The following GP6 variants were observed in gnomAD, a reference collection of about 807,000 sequenced individuals.
GP6 encodes glycoprotein VI platelet, also known as platelet glycoprotein VI.
A neutral mutation model predicts 37.3 loss-of-function variants in GP6; 45 were observed. The ratio of observed to expected loss-of-function variants is 1.21; its 90% CI spans 0.95 to 1.55. The LOEUF (loss-of-function observed/expected upper bound fraction) is 1.55, where lower values mean the gene tolerates loss of function less well. Ranked by LOEUF, GP6 falls within the 40% of genes most tolerant of loss-of-function variation. The probability of loss-of-function intolerance (pLI) is 0.00; values close to 1 mark genes in which losing one functional copy is unlikely to be tolerated. For synonymous variants in GP6, 340 were observed against 316.4 expected (o/e 1.07, Z -0.79); for missense variants, 813 against 760.2 (o/e 1.07, Z -0.82).
Position 55,037,015 on chromosome 19 carries a change from A to G in GP6, c.34+1188T>C, listed in dbSNP as rs148980014. Among the ~76,000 whole-genome samples, 465 of 152,324 alleles carry G rather than the reference A, an allele frequency of 3.1e-3. 3 individuals are homozygous for G. The highest frequency in any genetic ancestry group is 0.011 in the African/African-American group (445 of 41,574). The stretch of plus-strand genomic sequence containing the variant: ...GACCGACTGAGCGAGACTCCATCTC[A>G]AAAAACAAACAAAAAGAAAAAAAGA... On this transcript the variant is annotated intron_variant, in intron 1 of 7. Coordinates refer to ENST00000310373, the MANE Select transcript of GP6 (RefSeq NM_001083899.2).
chr19:55,029,894 G>A (rs1322053261), intron 3 of GP6, among the ~76,000 whole-genome samples: 1 of 152,008 alleles, frequency 6.6e-6, no homozygotes, highest in African/African-American at 2.4e-5. Context: ...CTGTGGAGGG[G>A]AGTGAGGCAG....
chr19:55,033,034 C>T lies in GP6; in HGVS notation c.35-496G>A, dbSNP rs371903875. 8.2e-3 allele frequency among the ~76,000 whole-genome samples: 161 copies of T among 19,568 alleles called. 28 individuals are homozygous for T. The highest frequency in any genetic ancestry group is 0.023 in the African/African-American group (156 of 6,844). 12.8% of individuals were successfully genotyped at this position (19,568 alleles called of 152,430 possible). On this transcript the variant is annotated intron_variant, in intron 1 of 7. Transcript: ENST00000310373. Reference sequence around the variant, plus strand: ...GCGGTGGACTCGTTCGTGTTAGACACGGTGGACTCGTTCGTGTTGTGTTAG... The same window carrying T: ...GCGGTGGACTCGTTCGTGTTAGACATGGTGGACTCGTTCGTGTTGTGTTAG...
intron 3 of GP6, among the ~76,000 whole-genome samples, chr19:55,030,078 C>CAA (rs1160871111): frequency 1.3e-5 from 2 of 152,280 alleles, no homozygotes; most frequent in East Asian, 3.9e-4. Context: ...CGTTAAAACT[C>CAA]ACATTATTCT....
intron 5 of GP6, among the ~76,000 whole-genome samples, chr19:55,019,326 G>C (rs2146733116): frequency 6.6e-6 from 1 of 151,986 alleles, no homozygotes; most frequent in African/African-American, 2.4e-5. Flanking sequence ...GGCCAGGATG[G>C]TCTCGATCTC....
intron 4 of GP6, among the ~76,000 whole-genome samples, chr19:55,026,115 A>G (rs528776068): frequency 5.3e-5 from 8 of 151,912 alleles, no homozygotes; most frequent in African/African-American, 1.9e-4. Context: ...CCTCAGTTCT[A>G]TTTCTTCTGG....
intron 5 of GP6, among the ~76,000 whole-genome samples, chr19:55,024,278 A>ACACACATATGCACGCATG (rs1268623063): frequency 1.5e-5 from 1 of 66,558 alleles, no homozygotes; most frequent in African/African-American, 5.2e-5. Flanking sequence ...GCACGCATGC[A>ACACACATATGCACGCATG]CACACACACA....
In GP6 at chr19:55,032,258, T is replaced by A. The variant is rs780301940; in HGVS notation, c.206A>T (p.Asp69Val). 3.7e-6 allele frequency: 6 copies of A among 1,614,144 alleles called. No individual in the cohort carries two copies. The highest frequency in any genetic ancestry group is 5.1e-6 in the Non-Finnish European group (6 of 1,180,008). The change falls in exon 3 of 8, where the codon GAT (aspartate) becomes GTT (valine). Residue 69 changes from aspartate (D) to valine (V), a missense_variant. By Grantham distance (152) the Asp-to-Val change is radical. Coordinates refer to ENST00000310373, the MANE Select transcript of GP6 (RefSeq NM_001083899.2). ...GGCCGGGATGAAGAGGACTGCCTGA[T>A]CCTGGTACCTGCTGGAACTCAGCTT...
chr19:55,018,930 T>C, intron 5 of GP6: 1 of 604,156 alleles, frequency 1.7e-6, no homozygotes, highest in Non-Finnish European at 3.0e-6. Context: ...ACTTGGTTTT[T>C]TTTCCACGTT....
At chr19:55,021,669 C>T (rs1212539773) in intron 5 of GP6, among the ~76,000 whole-genome samples, 8 of 151,806 alleles carry the variant, frequency 5.3e-5, no homozygotes, top group South Asian at 4.2e-4. Context: ...TACAGGCGCC[C>T]GCCACCACGC....
intron 1 of GP6, among the ~76,000 whole-genome samples, chr19:55,034,647 A>C (rs1261034068): frequency 6.6e-6 from 1 of 152,026 alleles, no homozygotes; most frequent in Non-Finnish European, 1.5e-5. Context: ...GGAGGAAAAA[A>C]AAAGTACTAA....
intron 5 of GP6, 55 bp downstream of exon 5, chr19:55,025,163 A>G: frequency 1.1e-6 from 1 of 877,820 alleles, no homozygotes; most frequent in South Asian, 1.4e-5. Context: ...GGAGAGAGAG[A>G]AGGGGTCCGT....
intron 3 of GP6, 40 bp from the exon 4 acceptor site, chr19:55,027,902 A>G (rs780022949): frequency 6.2e-7 from 1 of 1,606,210 alleles, no homozygotes; most frequent in East Asian, 2.2e-5. Context: ...GGCAGGAGCC[A>G]GCATCTCAGC....
intron 1 of GP6, 155 bp from the exon 2 acceptor site, chr19:55,032,693 A>T (rs2074613076): frequency 1.3e-5 from 11 of 840,878 alleles, no homozygotes; most frequent in Non-Finnish European, 2.2e-5. Flanking sequence ...AGTGAGAGAA[A>T]CCGGTCAGAA....
chr19:55,028,927 G>T lies in GP6; in HGVS notation c.326-1065C>A, dbSNP rs568996584. Among the ~76,000 whole-genome samples, 227 of 152,266 alleles carry T rather than the reference G, an allele frequency of 1.5e-3. 1 individual carries two copies. The highest frequency in any genetic ancestry group is 5.2e-3 in the African/African-American group (215 of 41,556). The stretch of plus-strand genomic sequence containing the variant: ...AGGTGGGAGGATCGCTTGAGCCCAG[G>T]AAGGCGAGGCTGCAGTGAGCTATGA... On this transcript the variant is annotated intron_variant, in intron 3 of 7. Coordinates refer to ENST00000310373, the MANE Select transcript of GP6 (RefSeq NM_001083899.2).
intron 6 of GP6, among the ~76,000 whole-genome samples, chr19:55,016,361 C>T (rs985219312): frequency 6.7e-6 from 1 of 148,528 alleles, no homozygotes; most frequent in Non-Finnish European, 1.5e-5. Context: ...ATATGAGCAC[C>T]TCATACGTGC....
chr19:55,038,238 G>T lies in GP6; in HGVS notation c.-2C>A. 1 of 1,587,940 alleles carries T rather than the reference G, an allele frequency of 6.3e-7. No homozygotes were observed. Among genetic ancestry groups the T allele is most frequent in the Non-Finnish European group, 8.6e-7 (1 of 1,165,826 alleles). Reference sequence around the variant, plus strand: ...GAGGGCGGTCGGGGATGGAGACATGGTTCCTCAGCCCTGTCCTGAGCTCTG... The same window carrying T: ...GAGGGCGGTCGGGGATGGAGACATGTTTCCTCAGCCCTGTCCTGAGCTCTG... On this transcript the variant is annotated 5_prime_UTR_variant, in exon 1 of 8. Transcript: ENST00000310373.
chr19:55,036,884 G>A (rs1440203183), intron 1 of GP6, among the ~76,000 whole-genome samples: 1 of 152,130 alleles, frequency 6.6e-6, no homozygotes, highest in Non-Finnish European at 1.5e-5. Flanking sequence ...GGTGGCAGAT[G>A]CCTGTAATCC....
intron 3 of GP6, among the ~76,000 whole-genome samples, 159 bp downstream of exon 3, chr19:55,031,980 C>A (rs1054504706): frequency 6.6e-6 from 1 of 152,116 alleles, no homozygotes; most frequent in Non-Finnish European, 1.5e-5. Flanking sequence ...GTCCAAAAAA[C>A]AAAATATTAT....
At chr19:55,018,556 G>C (rs772423394) in intron 6 of GP6, 96 bp downstream of exon 6, 2 of 813,812 alleles carry the variant, frequency 2.5e-6, no homozygotes, top group East Asian at 2.4e-5. Context: ...CGGACAGTTC[G>C]GTGAAGTGAT....
Sources: gnomAD v4.1 joint callset for allele counts (sites outside exome capture counted in the v4.1 genomes callset) on GRCh38, gnomAD v4.1.1 for gene constraint, MANE v1.5 for transcripts, NCBI Gene and HGNC (gene_info 2026-07-23, HGNC 2026-07-21) for gene names.